PWWP3B: variants seen among roughly 807,000 people sequenced by gnomAD.
The protein encoded by PWWP3B is PWWP domain-containing DNA repair factor 3B.
Under a neutral mutation model 15.7 loss-of-function variants are expected in PWWP3B, and 5 were observed. The observed-to-expected ratio is 0.32, with a 90% confidence interval of 0.17 to 0.67. The LOEUF (loss-of-function observed/expected upper bound fraction) is 0.67. Ranked by LOEUF, PWWP3B falls within the 30% of genes least tolerant of loss-of-function variation. PWWP3B has a pLI of 0.74. For synonymous variants in PWWP3B, 203 were observed against 179.8 expected, an observed-to-expected ratio of 1.13 and a Z score of -1.03; for missense variants, 519 against 493.1, an observed-to-expected ratio of 1.05 and a Z score of -0.50.
intron 2 of PWWP3B, among the ~76,000 whole-genome samples, chrX:106,190,701 C>T (rs1443007013): frequency 9.0e-6 from 1 of 111,423 alleles, no homozygotes; most frequent in East Asian, 2.8e-4. Context: ...GTCTTTAATC[C>T]ATCTTGAATT....
At chrX:106,189,763 G>A (rs1334967983) in intron 2 of PWWP3B, among the ~76,000 whole-genome samples, 8 of 109,217 alleles carry the variant, frequency 7.3e-5, no homozygotes, top group South Asian at 4.0e-4. Flanking sequence ...GACTACAGGC[G>A]CCTGCTACCA....
intron 2 of PWWP3B, among the ~76,000 whole-genome samples, chrX:106,193,203 C>T (rs1451503142): frequency 9.0e-6 from 1 of 111,134 alleles, no homozygotes; most frequent in African/African-American, 3.3e-5. Flanking sequence ...TAAGGACTTG[C>T]TTTATGAATC....
chrX:106,199,102 G>A (rs923827334), intron 2 of PWWP3B, among the ~76,000 whole-genome samples: 1 of 104,486 alleles, frequency 9.6e-6, no homozygotes, highest in Admixed American at 1.0e-4. Context: ...AGGCTGGAGT[G>A]CAGTGGTGCT....
intron 2 of PWWP3B, among the ~76,000 whole-genome samples, chrX:106,197,517 C>A (rs1923451368): frequency 8.9e-6 from 1 of 111,918 alleles, no homozygotes; most frequent in South Asian, 3.7e-4. Context: ...CAGCTGATTA[C>A]CTTCTGCATA....
intron 2 of PWWP3B, among the ~76,000 whole-genome samples, chrX:106,197,596 T>C (rs1923456910): frequency 8.9e-6 from 1 of 112,538 alleles, no homozygotes; most frequent in Admixed American, 9.4e-5. Context: ...GAGCTTCTGG[T>C]TAAAGACTGT....
chrX:106,191,599 G>A (rs1336152968), intron 2 of PWWP3B, among the ~76,000 whole-genome samples: 1 of 111,421 alleles, frequency 9.0e-6, no homozygotes, highest in Non-Finnish European at 1.9e-5. Context: ...TGGTGAGAGA[G>A]GGCATCCCTG....
chrX:106,202,086 G>A (rs1422982938), intron 2 of PWWP3B, among the ~76,000 whole-genome samples: 2 of 111,471 alleles, frequency 1.8e-5, no homozygotes, highest in Admixed American at 1.9e-4. Flanking sequence ...GAATATTTAG[G>A]CATTTATTAA....
chrX:106,172,845 A>G (rs753088499), intron 2 of PWWP3B, among the ~76,000 whole-genome samples: 1 of 111,891 alleles, frequency 8.9e-6, no homozygotes, highest in South Asian at 3.7e-4. Context: ...CTATCAGTGT[A>G]GTAGGTTGTT....
chrX:106,204,384 C>G lies in PWWP3B; in HGVS notation c.-215+214C>G, dbSNP rs1384378561. ...GACACTTTATAATTAAAAGTCGTAACTTCTAGTTTGGAGAAGAATCTCACT... is the reference window on the plus strand; with the variant it reads ...GACACTTTATAATTAAAAGTCGTAAGTTCTAGTTTGGAGAAGAATCTCACT... On this transcript the variant is annotated intron_variant, in intron 3 of 3. Coordinates refer to ENST00000357175, the MANE Select transcript of PWWP3B (RefSeq NM_001171020.2). Among the ~76,000 whole-genome samples, 4 of 112,221 alleles carry G rather than the reference C, an allele frequency of 3.6e-5. No individual in the cohort carries two copies. The Admixed American group carries it at 3.8e-4, about 11-fold the overall frequency.
rs1405630850 is a variant in PWWP3B, at chrX:106,190,977, G to T, written c.-400-13008G>T. 3.6e-5 allele frequency among the ~76,000 whole-genome samples: 4 copies of T among 111,340 alleles called. No individual in the cohort carries two copies. The Admixed American group carries it at 3.8e-4, about 11-fold the overall frequency. Reference sequence around the variant, plus strand: ...GTAGTATAGTTTGAAGTCAGGTGGCGTGATGCCTCCAGCTTTGTTCTTTTG... The same window carrying T: ...GTAGTATAGTTTGAAGTCAGGTGGCTTGATGCCTCCAGCTTTGTTCTTTTG... On this transcript the variant is annotated intron_variant, in intron 2 of 3. Coordinates refer to ENST00000357175, the MANE Select transcript of PWWP3B (RefSeq NM_001171020.2).
chrX:106,201,047 CA>C (rs536453025), intron 2 of PWWP3B, among the ~76,000 whole-genome samples: 14 of 82,239 alleles, frequency 1.7e-4, no homozygotes, highest in African/African-American at 3.7e-4. Context: ...GACTCCGTCT[CA>C]AAAAAAAAAA....
rs768783517 is a variant in PWWP3B, at chrX:106,206,036, GATA to G, written c.607_609del (p.Asn203del). 17 of 1,209,203 alleles carry G rather than the reference GATA, an allele frequency of 1.4e-5. No homozygotes were observed. Among genetic ancestry groups the G allele is most frequent in the South Asian group, 5.3e-5 (3 of 56,421 alleles). On this transcript the variant is annotated inframe_deletion, in exon 4 of 4. Coordinates refer to ENST00000357175, the MANE Select transcript of PWWP3B (RefSeq NM_001171020.2). ...CGAGACTTTCCCTTCACTTTCGGAA[GATA>G]ATGATGAAAAAGAGAACAAGAATAA... is the stretch of plus-strand genomic sequence containing the variant.
intron 2 of PWWP3B, among the ~76,000 whole-genome samples, chrX:106,173,967 C>T (rs1230540725): frequency 9.0e-6 from 1 of 111,446 alleles, no homozygotes; most frequent in Non-Finnish European, 1.9e-5. Flanking sequence ...AATTCAGAAA[C>T]ATAACCATGT....
At chrX:106,199,973 C>T (rs1201367438) in intron 2 of PWWP3B, among the ~76,000 whole-genome samples, 1 of 111,737 alleles carries the variant, frequency 8.9e-6, no homozygotes, top group Non-Finnish European at 1.9e-5. Context: ...GAGAACGCTA[C>T]ATGTTTGTCA....
At chrX:106,190,955 G>A (rs1260696018) in intron 2 of PWWP3B, among the ~76,000 whole-genome samples, 1 of 111,447 alleles carries the variant, frequency 9.0e-6, no homozygotes, top group Non-Finnish European at 1.9e-5. Context: ...TAGCCTTGTA[G>A]TATAGTTTGA....
rs764094757 is a variant in PWWP3B at position 106,207,503 on chromosome X, C to T, written c.2071C>T (p.Pro691Ser). ...KIIYEKRRKA[P>S]TNEAH ...AATATATGAAAAGAGACGAAAAGCA[C>T]CAACAAATGAAGCTCACTAAATGTG... Residue 691 changes from proline (P) to serine (S), a missense_variant, in exon 4 of 4, where the codon CCA (proline) becomes TCA (serine). Pro to Ser is a moderately conservative substitution (Grantham distance 74). Transcript: ENST00000357175. 3.5e-6 allele frequency: 4 copies of T among 1,143,861 alleles called. No individual in the cohort carries two copies. Among genetic ancestry groups the T allele is most frequent in the South Asian group, 4.1e-5 (2 of 48,391 alleles). 94.3% of individuals were successfully genotyped at this position (1,143,861 alleles called of 1,213,427 possible). A position where few individuals can be genotyped will look rare whatever the true frequency, so the allele number is the denominator to read the frequency against.
chrX:106,206,407 C>A lies in PWWP3B; in HGVS notation c.975C>A (p.Asn325Lys). The A allele has an allele frequency of 3.3e-6, 4 of 1,209,644 alleles. No individual in the cohort carries two copies. The highest frequency in any genetic ancestry group is 2.3e-4 in the Middle Eastern group (1 of 4,350). ...RECEVSFSAS[N>K]PVWDYSHLMS... ...GCGAGGTTTCATTTAGTGCCTCTAACCCTGTCTGGGATTATTCACATCTTA... is the reference window on the plus strand; with the variant it reads ...GCGAGGTTTCATTTAGTGCCTCTAAACCTGTCTGGGATTATTCACATCTTA... Residue 325 changes from asparagine to lysine, a missense_variant, in exon 4 of 4, where the codon AAC becomes AAA. Asn to Lys is a moderately conservative substitution (Grantham distance 94, BLOSUM62 0). Transcript: ENST00000357175.
At chrX:106,182,072 C>G (rs894320291) in intron 2 of PWWP3B, among the ~76,000 whole-genome samples, 1 of 111,947 alleles carries the variant, frequency 8.9e-6, no homozygotes, top group Admixed American at 9.5e-5. Flanking sequence ...AAAAACAACA[C>G]TCTTCCCCTA....
rs1335284631 is a variant in PWWP3B, at chrX:106,189,544, A to C, written c.-400-14441A>C. Among the ~76,000 whole-genome samples the C allele has an allele frequency of 7.3e-5, 8 of 110,147 alleles. No individual in the cohort carries two copies. The Admixed American group carries it at 7.7e-4, about 11-fold the overall frequency. ...GGTTTCCAGTTTCATCCATGTCCCTACAAAGGACATGAACTCATCATTTTT... is the reference window on the plus strand; with the variant it reads ...GGTTTCCAGTTTCATCCATGTCCCTCCAAAGGACATGAACTCATCATTTTT... On this transcript the variant is annotated intron_variant, in intron 2 of 3. Coordinates refer to ENST00000357175, the MANE Select transcript of PWWP3B (RefSeq NM_001171020.2).
Sources: allele counts gnomAD v4.1 joint callset (sites outside exome capture counted in the v4.1 genomes callset), GRCh38; gene constraint gnomAD v4.1.1; transcripts MANE v1.5; gene names NCBI Gene and HGNC (gene_info 2026-07-23, HGNC 2026-07-21).